Variants in GLG1 observed in about 807,000 individuals in gnomAD.
GLG1 encodes the protein Golgi apparatus protein 1.
Under a neutral mutation model 160.5 loss-of-function variants are expected in GLG1, and 38 were observed. That is an observed-to-expected ratio of 0.24 (90% CI 0.18 to 0.31). The LOEUF (loss-of-function observed/expected upper bound fraction) is 0.31, where lower values mean the gene tolerates loss of function less well. GLG1 is among the 10% of genes least tolerant of loss of function. The probability of loss-of-function intolerance (pLI) is 1.00; values close to 1 mark genes in which losing one functional copy is unlikely to be tolerated. For missense variants in GLG1, 1,373 were observed against 1,505.2 expected (o/e 0.91, Z 1.45); for synonymous variants, 644 against 543.4 (o/e 1.19, Z -2.57).
chr16:74,497,280 A>G (rs1880495444), intron 4 of GLG1, among the ~76,000 whole-genome samples: 1 of 84,860 alleles, frequency 1.2e-5, no homozygotes, highest in Admixed American at 1.6e-4. Flanking sequence ...CAAGACAGAA[A>G]CTCTGTAAAA....
intron 2 of GLG1, among the ~76,000 whole-genome samples, chr16:74,527,766 G>A (rs966275118): frequency 1.3e-5 from 2 of 151,810 alleles, no homozygotes; most frequent in Admixed American, 6.6e-5. Context: ...TTGCTCTGTC[G>A]GCCAGGGGTG....
At chr16:74,518,875 A>G (rs1192113209) in intron 2 of GLG1, among the ~76,000 whole-genome samples, 2 of 152,212 alleles carry the variant, frequency 1.3e-5, no homozygotes. Flanking sequence ...CAATGCTTTT[A>G]CACTGTTGGT....
intron 1 of GLG1, among the ~76,000 whole-genome samples, chr16:74,541,637 T>G (rs1047502708): frequency 7.2e-5 from 11 of 152,216 alleles, no homozygotes; most frequent in Non-Finnish European, 1.5e-4. Context: ...TATAGAAGGC[T>G]TTGCAAATAT....
At chr16:74,479,025 G>A (rs1277609725) in intron 11 of GLG1, among the ~76,000 whole-genome samples, 1 of 104,804 alleles carries the variant, frequency 9.5e-6, no homozygotes, top group East Asian at 3.2e-4. Flanking sequence ...GGCCAACATG[G>A]AGAAACCCCG....
rs541700250 is a variant in GLG1, at chr16:74,448,177, T to C, written c.*4990A>G. On this transcript the variant is annotated 3_prime_UTR_variant, in exon 26 of 26. Coordinates refer to ENST00000422840, the MANE Select transcript of GLG1 (RefSeq NM_001145667.2). ...TTCGGTCTGGTTTGCTAATGACTTA[T>C]CTATTATCTGAAGTCTGTGGAGGAA... 14 of 152,310 alleles carry C rather than the reference T, an allele frequency of 9.2e-5. No individual in the cohort carries two copies. Among genetic ancestry groups the C allele is most frequent in the South Asian group, 4.1e-4 (2 of 4,824 alleles). 9.4% of individuals were successfully genotyped at this position (152,310 alleles called of 1,614,324 possible).
chr16:74,456,825 G>A, intron 24 of GLG1, 70 bp from the exon 25 acceptor site: 2 of 929,678 alleles, frequency 2.2e-6, no homozygotes, highest in East Asian at 4.8e-5. Flanking sequence ...GTAAAGATGA[G>A]GAAGAGGGTG....
At chr16:74,468,535 T>G (rs1453289537) in intron 17 of GLG1, 1 of 168,936 alleles carries the variant, frequency 5.9e-6, no homozygotes, top group Non-Finnish European at 1.3e-5. Flanking sequence ...CTCGCTGGCC[T>G]AAGTCTCTTT....
At chr16:74,504,246 G>A (rs2016517606) in intron 3 of GLG1, among the ~76,000 whole-genome samples, 1 of 152,178 alleles carries the variant, frequency 6.6e-6, no homozygotes, top group African/African-American at 2.4e-5. Context: ...GGGCCAAGGA[G>A]AGACAGGAGG....
At position 74,472,923 on chromosome 16, in the gene GLG1, A is replaced by G. The variant is rs939976073; in HGVS notation, c.2053-512T>C. ...AAAACACCTTCCTTTAAAGAGCTATACACCCAGACTGCTCTCATAAGTCCA... is the reference window on the plus strand; with the variant it reads ...AAAACACCTTCCTTTAAAGAGCTATGCACCCAGACTGCTCTCATAAGTCCA... On this transcript the variant is annotated intron_variant, in intron 13 of 25. Transcript: ENST00000422840. 14 of 200,668 alleles carry G rather than the reference A, an allele frequency of 7.0e-5. 2 individuals are homozygous for G. 12.4% of individuals were successfully genotyped at this position (200,668 alleles called of 1,614,324 possible).
intron 22 of GLG1, 80 bp downstream of exon 22, chr16:74,462,014 A>T: frequency 1.4e-6 from 1 of 739,176 alleles, no homozygotes. Flanking sequence ...GGCTGAAGGG[A>T]GAGAAAGTAA....
intron 8 of GLG1, among the ~76,000 whole-genome samples, chr16:74,486,645 T>C (rs542088275): frequency 2.0e-5 from 3 of 152,310 alleles, no homozygotes; most frequent in African/African-American, 4.8e-5. Context: ...ACATTTTTTT[T>C]CCTGCCTTTA....
chr16:74,462,013 G>C, intron 22 of GLG1, 81 bp downstream of exon 22: 2 of 735,968 alleles, frequency 2.7e-6, no homozygotes, highest in Non-Finnish European at 4.8e-6. Flanking sequence ...CGGCTGAAGG[G>C]AGAGAAAGTA....
chr16:74,490,893 A>G, intron 8 of GLG1, 108 bp downstream of exon 8: 1 of 740,442 alleles, frequency 1.4e-6, no homozygotes, highest in Non-Finnish European at 2.4e-6. Flanking sequence ...CTAATGTTCA[A>G]TGTGATACCA....
At chr16:74,469,941 A>C in intron 16 of GLG1, 44 bp downstream of exon 16, 1 of 1,220,984 alleles carries the variant, frequency 8.2e-7, no homozygotes, top group Non-Finnish European at 1.2e-6. Context: ...CGGAGCTAAG[A>C]GGAACTTCGG....
At chr16:74,556,454 T>A (rs1487053259) in intron 1 of GLG1, among the ~76,000 whole-genome samples, 1 of 152,156 alleles carries the variant, frequency 6.6e-6, no homozygotes, top group Non-Finnish European at 1.5e-5. Context: ...AACTTTAGTA[T>A]GAAATATACA....
intron 18 of GLG1, among the ~76,000 whole-genome samples, chr16:74,466,768 G>A (rs2015014535): frequency 6.6e-6 from 1 of 152,206 alleles, no homozygotes; most frequent in South Asian, 2.1e-4. Flanking sequence ...GTCTCCTGGA[G>A]CAGAATGGAC....
intron 2 of GLG1, among the ~76,000 whole-genome samples, chr16:74,522,532 A>C (rs960557628): frequency 1.2e-4 from 18 of 152,168 alleles, no homozygotes; most frequent in African/African-American, 4.1e-4. Context: ...ATGGCAGATT[A>C]AGTATCTTAC....
At chr16:74,555,086 A>AT (rs1174605528) in intron 1 of GLG1, among the ~76,000 whole-genome samples, 2 of 152,206 alleles carry the variant, frequency 1.3e-5, no homozygotes, top group African/African-American at 4.8e-5. Context: ...ACGGGAAAAA[A>AT]GAAAAAACAG....
intron 8 of GLG1, among the ~76,000 whole-genome samples, chr16:74,489,751 G>A (rs1597258054): frequency 6.6e-6 from 1 of 152,174 alleles, no homozygotes; most frequent in East Asian, 1.9e-4. Context: ...ACCATGGGAT[G>A]CATAGACACG....
Sources: allele counts gnomAD v4.1 joint callset (sites outside exome capture counted in the v4.1 genomes callset), GRCh38; gene constraint gnomAD v4.1.1; transcripts MANE v1.5; gene names NCBI Gene and HGNC (gene_info 2026-07-23, HGNC 2026-07-21).